NEK11: variants seen among roughly 807,000 people sequenced by gnomAD.
The protein encoded by NEK11 is serine/threonine-protein kinase Nek11.
Under a neutral mutation model 80.7 loss-of-function variants are expected in NEK11, and 72 were observed. That is an observed-to-expected ratio of 0.89 (90% CI 0.74 to 1.08). The LOEUF (loss-of-function observed/expected upper bound fraction) is 1.08, where lower values mean the gene tolerates loss of function less well. Ranked by LOEUF, NEK11 falls within the 50% of genes least tolerant of loss-of-function variation. The probability of loss-of-function intolerance (pLI) is 0.00; values close to 1 mark genes in which losing one functional copy is unlikely to be tolerated. For synonymous variants in NEK11, 251 were observed against 260.7 expected, an observed-to-expected ratio of 0.96 and a Z score of 0.36; for missense variants, 764 against 763.6, an observed-to-expected ratio of 1.00 and a Z score of -0.01.
intron 14 of NEK11, among the ~76,000 whole-genome samples, chr3:131,206,874 T>C (rs1430362492): frequency 1.3e-5 from 2 of 150,120 alleles, no homozygotes; most frequent in Admixed American, 1.3e-4. Context: ...TGTCTAAGTG[T>C]TCTCATTGTT....
At chr3:131,080,705 C>A in intron 4 of NEK11, 117 bp downstream of exon 4, 2 of 813,462 alleles carry the variant, frequency 2.5e-6, no homozygotes, top group Non-Finnish European at 3.7e-6. Flanking sequence ...CTGTAAAGAC[C>A]TGGGATCCCA....
At chr3:131,046,400 T>C (rs2067396681) in intron 3 of NEK11, among the ~76,000 whole-genome samples, 2 of 152,160 alleles carry the variant, frequency 1.3e-5, no homozygotes, top group South Asian at 2.1e-4. Context: ...TCCTGGCTGA[T>C]AATTATTTTC....
rs968845899 is a variant in NEK11, at chr3:131,135,940, T to C, written c.647+1984T>C. Among the ~76,000 whole-genome samples, 54 of 152,062 alleles carry C rather than the reference T, an allele frequency of 3.6e-4. 1 individual carries two copies. Among genetic ancestry groups the C allele is most frequent in the Admixed American group, 7.2e-4 (11 of 15,252 alleles). On this transcript the variant is annotated intron_variant, in intron 7 of 17. Transcript: ENST00000383366. ...GAGAGGAAAGGAAAGCATAGAGTAT[T>C]TGTCTCAGTTATGTCAGTGTTATTT... is the stretch of plus-strand genomic sequence containing the variant.
At chr3:131,113,630 A>G (rs1220161124) in intron 5 of NEK11, among the ~76,000 whole-genome samples, 1 of 152,104 alleles carries the variant, frequency 6.6e-6, no homozygotes, top group Non-Finnish European at 1.5e-5. Context: ...AAGAAAAAGC[A>G]GGCCGGGCAC....
At position 131,087,809 on chromosome 3, in the gene NEK11, T is replaced by C. The variant is rs141339055; in HGVS notation, c.336+7221T>C. Among the ~76,000 whole-genome samples the C allele has an allele frequency of 8.1e-3, 1,239 of 152,298 alleles. 22 individuals carry two copies. Among genetic ancestry groups the C allele is most frequent in the African/African-American group, 0.028 (1,172 of 41,554 alleles). On this transcript the variant is annotated intron_variant, in intron 4 of 17. Transcript: ENST00000383366. Reference sequence around the variant, plus strand: ...GGTCCTTGTAGAACTTCATATTGGGTGTGTTGTGTCTAGTATTAGAAACAA... The same window carrying C: ...GGTCCTTGTAGAACTTCATATTGGGCGTGTTGTGTCTAGTATTAGAAACAA...
intron 3 of NEK11, among the ~76,000 whole-genome samples, chr3:131,071,254 T>C (rs994388051): frequency 2.0e-5 from 3 of 152,286 alleles, no homozygotes; most frequent in African/African-American, 7.2e-5. Flanking sequence ...CTTGCATTTT[T>C]AGTACTTTTT....
At chr3:131,155,224 AG>A in intron 10 of NEK11, 103 bp downstream of exon 10, 1 of 730,386 alleles carries the variant, frequency 1.4e-6, no homozygotes. Flanking sequence ...CGAGTATCCT[AG>A]AATTCACTTA....
intron 4 of NEK11, among the ~76,000 whole-genome samples, chr3:131,095,240 G>T (rs2077266413): frequency 6.6e-6 from 1 of 152,108 alleles, no homozygotes; most frequent in South Asian, 2.1e-4. Flanking sequence ...GGGGTTAGTG[G>T]TTTTATGAAC....
chr3:131,223,363 G>A (rs1357082578), intron 14 of NEK11, among the ~76,000 whole-genome samples: 1 of 152,130 alleles, frequency 6.6e-6, no homozygotes, highest in Non-Finnish European at 1.5e-5. Flanking sequence ...AACTTAGGTG[G>A]CAGAATGGCA....
chr3:131,284,329 G>A (rs989462731), intron 17 of NEK11, among the ~76,000 whole-genome samples: 3 of 152,138 alleles, frequency 2.0e-5, no homozygotes, highest in African/African-American at 7.2e-5. Context: ...TTTGACTTAA[G>A]CCCTTAGGAC....
intron 14 of NEK11, among the ~76,000 whole-genome samples, chr3:131,171,416 G>A (rs899530649): frequency 1.3e-5 from 2 of 152,146 alleles, no homozygotes; most frequent in African/African-American, 2.4e-5. Flanking sequence ...CAGCAAACGA[G>A]TACACTTCCA....
chr3:131,174,810 G>T (rs751858706), intron 14 of NEK11: 5 of 1,609,592 alleles, frequency 3.1e-6, no homozygotes, highest in Admixed American at 3.4e-5. Flanking sequence ...TCCAAAGCTG[G>T]AATAGCCTGA....
At chr3:131,121,027 C>T (rs35511359) in intron 5 of NEK11, among the ~76,000 whole-genome samples, 66,417 of 152,096 alleles carry the variant, frequency 0.44, 16,928 homozygotes, top group Middle Eastern at 0.66. Flanking sequence ...CCGTTGCTAG[C>T]GAGGAGCTGA....
intron 16 of NEK11, among the ~76,000 whole-genome samples, chr3:131,268,595 T>TG (rs2096112493): frequency 6.6e-6 from 1 of 152,214 alleles, no homozygotes; most frequent in Non-Finnish European, 1.5e-5. Context: ...GTACCACCAG[T>TG]GGAGGCTGCA....
chr3:131,336,928 C>G (rs1221517578), intron 17 of NEK11, among the ~76,000 whole-genome samples: 4 of 152,040 alleles, frequency 2.6e-5, no homozygotes, highest in African/African-American at 9.7e-5. Context: ...CCATCTCACA[C>G]CAGTTAGAAT....
At chr3:131,333,642 T>G (rs1238705384) in intron 17 of NEK11, among the ~76,000 whole-genome samples, 1 of 152,096 alleles carries the variant, frequency 6.6e-6, no homozygotes, top group African/African-American at 2.4e-5. Flanking sequence ...GTAAATGGAC[T>G]AAATGCTCCA....
At chr3:131,209,858 AT>A (rs1288494835) in intron 14 of NEK11, among the ~76,000 whole-genome samples, 1 of 151,764 alleles carries the variant, frequency 6.6e-6, no homozygotes, top group African/African-American at 2.4e-5. Flanking sequence ...TATTGTGTCT[AT>A]TTGATTCTTC....
chr3:131,197,376 C>G (rs1039811991), intron 14 of NEK11, among the ~76,000 whole-genome samples: 3 of 152,040 alleles, frequency 2.0e-5, no homozygotes, highest in Non-Finnish European at 2.9e-5. Flanking sequence ...CAGGGGTCTG[C>G]GGTAGATCTT....
In NEK11 at chr3:131,128,781, TGA is replaced by T. The variant is rs1361535946; in HGVS notation, c.456-3960_456-3959del. ...ATTTTGTATTCCCACTAGCAGCGAA[TGA>T]GAGTTTCTGTTACTCCACATCCTTG... On this transcript the variant is annotated intron_variant, in intron 5 of 17. Transcript: ENST00000383366. Among the ~76,000 whole-genome samples, 12 of 152,338 alleles carry T rather than the reference TGA, an allele frequency of 7.9e-5. No homozygotes were observed. The East Asian group carries it at 1.9e-3, about 24-fold the overall frequency.
Sources: gnomAD v4.1 joint callset for allele counts (sites outside exome capture counted in the v4.1 genomes callset) on GRCh38, gnomAD v4.1.1 for gene constraint, MANE v1.5 for transcripts, NCBI Gene and HGNC (gene_info 2026-07-23, HGNC 2026-07-21) for gene names.